The following L3HYPDH variants were observed in gnomAD, a reference collection of about 807,000 sequenced individuals.
L3HYPDH encodes trans-L-3-hydroxyproline dehydratase, also known as trans-3-hydroxy-L-proline dehydratase.
Under a neutral mutation model 26.5 loss-of-function variants are expected in L3HYPDH, and 32 were observed. That is an observed-to-expected ratio of 1.21 (90% CI 0.91 to 1.62). The LOEUF (loss-of-function observed/expected upper bound fraction) is 1.62. L3HYPDH is among the 40% of genes most tolerant of loss of function. The pLI, the probability that L3HYPDH is intolerant of heterozygous loss-of-function variation, is 0.00. For synonymous variants in L3HYPDH, 215 were observed against 196.6 expected (o/e 1.09, Z -0.78); for missense variants, 554 against 476.4 (o/e 1.16, Z -1.52).
At chr14:59,484,801 T>C (rs1890397901), upstream of L3HYPDH, 1 of 914,256 alleles carries the variant, frequency 1.1e-6, no homozygotes, top group East Asian at 2.6e-5. Flanking sequence ...AGGCGCGCTG[T>C]CTGCGGCGAA....
chr14:59,500,609 T>G, the L3HYPDH span, among the ~76,000 whole-genome samples: 2 of 152,188 alleles, frequency 1.3e-5, no homozygotes, highest in Non-Finnish European at 2.9e-5. Flanking sequence ...TAAAGCTGAG[T>G]TACTCTTATA....
At chr14:59,498,395 C>G in the L3HYPDH span, among the ~76,000 whole-genome samples, 1 of 152,132 alleles carries the variant, frequency 6.6e-6, no homozygotes, top group East Asian at 1.9e-4. Flanking sequence ...ATAAGTGATT[C>G]AATAAAAATC....
chr14:59,485,001 C>T (rs761144836), upstream of L3HYPDH: 1 of 1,583,578 alleles, frequency 6.3e-7, no homozygotes, highest in Admixed American at 1.8e-5. Flanking sequence ...TTTATAGCGC[C>T]CGTCACAAAG....
At chr14:59,502,773 T>TTTTTTTTG in the L3HYPDH span, among the ~76,000 whole-genome samples, 435 of 102,786 alleles carry the variant, frequency 4.2e-3, 29 homozygotes, top group African/African-American at 7.4e-3. Flanking sequence ...TTTTTTTTTT[T>TTTTTTTTG]CGGAGTCTCA....
the L3HYPDH span, among the ~76,000 whole-genome samples, chr14:59,490,878 C>T: frequency 6.6e-6 from 1 of 152,116 alleles, no homozygotes; most frequent in Non-Finnish European, 1.5e-5. Context: ...TATGTCTTCA[C>T]CAAATGCGTT....
chr14:59,471,374 C>G (rs188136196), downstream of L3HYPDH, among the ~76,000 whole-genome samples: 679 of 152,242 alleles, frequency 4.5e-3, 2 homozygotes, highest in South Asian at 0.017. Flanking sequence ...CCTAGATTTG[C>G]AGCCTCTAAA....
At chr14:59,483,085 T>C (rs901060930) in intron 1 of L3HYPDH, among the ~76,000 whole-genome samples, 4 of 152,210 alleles carry the variant, frequency 2.6e-5, no homozygotes, top group Non-Finnish European at 4.4e-5. Context: ...TAGGGAACTT[T>C]AGCGATCATA....
rs756264679 is a variant in L3HYPDH at position 59,473,103 on chromosome 14, G to A, written c.940-13C>T. 2.5e-6 allele frequency: 4 copies of A among 1,586,706 alleles called. No homozygotes were observed. The South Asian group carries it at 3.5e-5, about 14-fold the overall frequency. Reference sequence around the variant, plus strand: ...CACATTTCGCTTCCTGAAAAAAGATGAAGGGAGTATACTATCAAAATATTG... The same window carrying A: ...CACATTTCGCTTCCTGAAAAAAGATAAAGGGAGTATACTATCAAAATATTG... On this transcript the variant is annotated splice_polypyrimidine_tract_variant and intron_variant, in intron 4 of 4. Transcript: ENST00000247194.
the L3HYPDH span, chr14:59,495,120 T>C: frequency 1.2e-6 from 2 of 1,613,482 alleles, no homozygotes; most frequent in Non-Finnish European, 1.7e-6. Flanking sequence ...TTTATATTCG[T>C]TCATGTCGAG....
At chr14:59,472,106 G>A (rs1889327038), downstream of L3HYPDH, among the ~76,000 whole-genome samples, 1 of 152,120 alleles carries the variant, frequency 6.6e-6, no homozygotes. Context: ...AATTCTCAGG[G>A]AGCGTCACAT....
chr14:59,487,959 A>G (rs968265748), upstream of L3HYPDH: 3 of 862,802 alleles, frequency 3.5e-6, no homozygotes, highest in Non-Finnish European at 5.5e-6. Context: ...TCTTCAGATT[A>G]TTCTTAACTG....
intron 1 of L3HYPDH, among the ~76,000 whole-genome samples, chr14:59,482,411 G>A (rs749564115): frequency 1.3e-5 from 2 of 152,182 alleles, no homozygotes; most frequent in Non-Finnish European, 2.9e-5. Context: ...TCAAGTGGTT[G>A]ACTGACCCTG....
chr14:59,494,065 G>A, the L3HYPDH span, among the ~76,000 whole-genome samples: 1 of 152,116 alleles, frequency 6.6e-6, no homozygotes, highest in East Asian at 1.9e-4. Context: ...TCTCTTCTAG[G>A]TGAATTAAAG....
intron 1 of L3HYPDH, chr14:59,483,356 TG>T: frequency 4.8e-6 from 1 of 208,354 alleles, no homozygotes; most frequent in Non-Finnish European, 8.9e-6. Flanking sequence ...TTCAAAGAAG[TG>T]GGGGAGGTGA....
At chr14:59,481,550 C>T (rs1403773688) in intron 1 of L3HYPDH, among the ~76,000 whole-genome samples, 2 of 152,182 alleles carry the variant, frequency 1.3e-5, no homozygotes, top group Non-Finnish European at 2.9e-5. Context: ...TTCTTCTATA[C>T]AAGCATATCA....
At position 59,484,100 on chromosome 14, in the gene L3HYPDH, G is replaced by A. The variant is rs772905222; in HGVS notation, c.217C>T (p.Arg73Trp). 1 of 1,605,354 alleles carries A rather than the reference G, an allele frequency of 6.2e-7. No homozygotes were observed. Among genetic ancestry groups the A allele is most frequent in the South Asian group, 1.1e-5 (1 of 90,812 alleles). The part of the protein sequence containing the change: ...RRLMFEPRGH[R>W]DMYGAVLVPS... ...ACTAGGACCGCCCCGTACATGTCCC[G>A]GTGCCCTCGGGGCTCGAACATGAGC... The change falls in exon 1 of 5, where the codon CGG becomes TGG. Residue 73 changes from arginine (R) to tryptophan (W), a missense_variant. By Grantham distance (101) the Arg-to-Trp change is moderately radical (BLOSUM62 -3). Transcript: ENST00000247194.
the L3HYPDH span, among the ~76,000 whole-genome samples, chr14:59,499,650 G>A: frequency 2.0e-5 from 3 of 152,176 alleles, no homozygotes; most frequent in South Asian, 2.1e-4. Flanking sequence ...GACATTGAAC[G>A]TCCCAAGGAT....
At chr14:59,476,626 T>C (rs1397525313) in intron 2 of L3HYPDH, among the ~76,000 whole-genome samples, 1 of 152,180 alleles carries the variant, frequency 6.6e-6, no homozygotes, top group East Asian at 1.9e-4. Context: ...AGGAGGATAA[T>C]GTGGGAAAAT....
At chr14:59,489,597 TCCAAAGC>T in the L3HYPDH span, among the ~76,000 whole-genome samples, 1 of 152,246 alleles carries the variant, frequency 6.6e-6, no homozygotes, top group Non-Finnish European at 1.5e-5. Context: ...GGTACCCAGC[TCCAAAGC>T]TGGGTATCTT....
Sources: allele counts gnomAD v4.1 joint callset (sites outside exome capture counted in the v4.1 genomes callset), GRCh38; gene constraint gnomAD v4.1.1; transcripts MANE v1.5; gene names NCBI Gene and HGNC (gene_info 2026-07-23, HGNC 2026-07-21).